Variants in ADCYAP1R1 observed in about 807,000 individuals in gnomAD.
ADCYAP1R1 encodes ADCYAP receptor type I, also known as pituitary adenylate cyclase-activating polypeptide type I receptor.
Under a neutral mutation model 67.6 loss-of-function variants are expected in ADCYAP1R1, and 44 were observed. That is an observed-to-expected ratio of 0.65 (90% CI 0.51 to 0.84). ADCYAP1R1 has a LOEUF of 0.84. Among genes scored for constraint, ADCYAP1R1 ranks in the 40% least tolerant of loss-of-function variants. The pLI is 0.00. For missense variants in ADCYAP1R1, 477 were observed against 587.9 expected, an observed-to-expected ratio of 0.81 and a Z score of 1.95; for synonymous variants, 222 against 219.6, an observed-to-expected ratio of 1.01 and a Z score of -0.10.
intron 1 of ADCYAP1R1, among the ~76,000 whole-genome samples, chr7:31,058,163 T>A (rs981402959): frequency 6.6e-6 from 1 of 152,204 alleles, no homozygotes; most frequent in African/African-American, 2.4e-5. Flanking sequence ...CAAGTGTCCA[T>A]CTCAAGAGCA....
chr7:31,081,670 T>A (rs1427743722), intron 5 of ADCYAP1R1, 43 bp from the exon 6 acceptor site: 3 of 1,539,854 alleles, frequency 1.9e-6, no homozygotes, highest in Non-Finnish European at 2.7e-6. Flanking sequence ...TAGCTAACTG[T>A]AAGCCAGGCA....
chr7:31,062,104 A>G (rs1794530718), intron 1 of ADCYAP1R1, among the ~76,000 whole-genome samples: 1 of 152,186 alleles, frequency 6.6e-6, no homozygotes, highest in Non-Finnish European at 1.5e-5. Context: ...TGCTGTGGTG[A>G]ATGTGCTTGC....
At chr7:31,068,165 C>T (rs1418039318) in intron 3 of ADCYAP1R1, among the ~76,000 whole-genome samples, 1 of 152,134 alleles carries the variant, frequency 6.6e-6, no homozygotes, top group Non-Finnish European at 1.5e-5. Flanking sequence ...TCAAGGCGGG[C>T]ACTGGGTTCT....
chr7:31,103,642 G>T (rs1796522694), intron 14 of ADCYAP1R1, among the ~76,000 whole-genome samples: 1 of 152,226 alleles, frequency 6.6e-6, no homozygotes, highest in Non-Finnish European at 1.5e-5. Context: ...AGCCTGGGGT[G>T]CAGGGTGGAG....
chr7:31,076,791 C>T (rs1002238453), intron 3 of ADCYAP1R1, among the ~76,000 whole-genome samples: 3 of 152,102 alleles, frequency 2.0e-5, no homozygotes, highest in Non-Finnish European at 2.9e-5. Context: ...CTGTTCCTGC[C>T]CCTCCCCTTA....
chr7:31,087,781 C>A, intron 12 of ADCYAP1R1, 85 bp downstream of exon 12: 2 of 1,092,120 alleles, frequency 1.8e-6, no homozygotes, highest in Admixed American at 2.1e-5. Flanking sequence ...AAAGAGTCCC[C>A]ACACAACCTG....
At chr7:31,067,629 C>T (rs896371022) in intron 3 of ADCYAP1R1, among the ~76,000 whole-genome samples, 2 of 152,146 alleles carry the variant, frequency 1.3e-5, no homozygotes, top group African/African-American at 2.4e-5. Context: ...GCAGCCTGTA[C>T]CCTCAACTGC....
intron 13 of ADCYAP1R1, chr7:31,100,064 A>G: frequency 6.8e-7 from 1 of 1,480,068 alleles, no homozygotes; most frequent in South Asian, 1.2e-5. Flanking sequence ...TTCCCTGTAA[A>G]CTGAGTTTCT....
chr7:31,081,894 T>A, intron 6 of ADCYAP1R1, 140 bp downstream of exon 6: 1 of 603,148 alleles, frequency 1.7e-6, no homozygotes, highest in Non-Finnish European at 2.9e-6. Flanking sequence ...TTTTTTTCTC[T>A]GATAAAGGTA....
At chr7:31,067,545 C>T (rs1794788822) in intron 3 of ADCYAP1R1, among the ~76,000 whole-genome samples, 1 of 151,988 alleles carries the variant, frequency 6.6e-6, no homozygotes, top group East Asian at 1.9e-4. Context: ...TATTATGACC[C>T]CTATTTTATA....
At chr7:31,072,428 C>T (rs150063036) in intron 3 of ADCYAP1R1, among the ~76,000 whole-genome samples, 1,642 of 152,254 alleles carry the variant, frequency 0.011, 28 homozygotes, top group African/African-American at 0.037. Flanking sequence ...GAACACTAAC[C>T]GTCTTTTGCA....
At chr7:31,083,340 G>A (rs535714457) in intron 6 of ADCYAP1R1, among the ~76,000 whole-genome samples, 21 of 152,294 alleles carry the variant, frequency 1.4e-4, no homozygotes, top group Non-Finnish European at 2.4e-4. Context: ...ATGGCCCTGG[G>A]CAGGGCAAAA....
intron 1 of ADCYAP1R1, among the ~76,000 whole-genome samples, chr7:31,056,753 C>T (rs1268540322): frequency 6.6e-6 from 1 of 152,238 alleles, no homozygotes; most frequent in Non-Finnish European, 1.5e-5. Context: ...AAGCTGATCA[C>T]TCCACTCCAT....
At chr7:31,103,044 A>G (rs1584548373) in intron 13 of ADCYAP1R1, among the ~76,000 whole-genome samples, 193 bp from the exon 14 acceptor site, 1 of 152,084 alleles carries the variant, frequency 6.6e-6, no homozygotes, top group South Asian at 2.1e-4. Flanking sequence ...CAGACTGGGG[A>G]TGTCTCCCCA....
chr7:31,054,693 G>A (rs1349007733), intron 1 of ADCYAP1R1, among the ~76,000 whole-genome samples: 1 of 152,132 alleles, frequency 6.6e-6, no homozygotes, highest in African/African-American at 2.4e-5. Flanking sequence ...CTGATTAAGT[G>A]GAGGACATCT....
At chr7:31,080,458 TG>T (rs1403358340) in intron 4 of ADCYAP1R1, among the ~76,000 whole-genome samples, 154 bp from the exon 5 acceptor site, 3 of 152,180 alleles carry the variant, frequency 2.0e-5, no homozygotes, top group East Asian at 3.9e-4. Flanking sequence ...CTTATAGTCC[TG>T]ATGCCTTCTG....
intron 12 of ADCYAP1R1, among the ~76,000 whole-genome samples, chr7:31,090,219 T>A (rs796492829): frequency 5.9e-5 from 9 of 152,306 alleles, no homozygotes; most frequent in African/African-American, 2.2e-4. Context: ...TCTTCTTACG[T>A]TGATTTTGTT....
In ADCYAP1R1 at chr7:31,085,324, C is replaced by T; in HGVS notation, c.551C>T (p.Thr184Ile). The T allele has an allele frequency of 6.2e-7, 1 of 1,613,854 alleles. No individual in the cohort carries two copies. The highest frequency in any genetic ancestry group is 1.7e-5 in the Admixed American group (1 of 60,016). Residue 184 changes from threonine (T) to isoleucine (I), a missense_variant, in exon 9 of 16, where the codon ACA becomes ATA. By Grantham distance (89) the Thr-to-Ile change is moderately conservative. Transcript: ENST00000304166. The part of the protein sequence containing the change: ...ILCRFRKLHC[T>I]RNFIHMNLFV... ...CACTCATGTAGGAAGCTGCACTGCA[C>T]ACGCAACTTCATCCACATGAACCTG...
At chr7:31,054,125 A>G (rs1460991168) in intron 1 of ADCYAP1R1, among the ~76,000 whole-genome samples, 1 of 152,084 alleles carries the variant, frequency 6.6e-6, no homozygotes, top group Non-Finnish European at 1.5e-5. Context: ...ATCTGAACAT[A>G]CAGATTGGAG....
Sources: allele counts gnomAD v4.1 joint callset (sites outside exome capture counted in the v4.1 genomes callset), GRCh38; gene constraint gnomAD v4.1.1; transcripts MANE v1.5; gene names NCBI Gene and HGNC (gene_info 2026-07-23, HGNC 2026-07-21).